The following SCAP variants were observed in gnomAD, a reference collection of about 807,000 sequenced individuals.
SCAP encodes sterol regulatory element-binding protein cleavage-activating protein.
SCAP carries 65 observed loss-of-function variants against 123.6 expected under a neutral mutation model. That is an observed-to-expected ratio of 0.53 (90% CI 0.43 to 0.65). The LOEUF (loss-of-function observed/expected upper bound fraction) is 0.65. SCAP is among the 30% of genes least tolerant of loss of function. The pLI, the probability that SCAP is intolerant of heterozygous loss-of-function variation, is 0.00. For missense variants in SCAP, 1,398 were observed against 1,712.5 expected (o/e 0.82, Z 3.24); for synonymous variants, 740 against 726.3 (o/e 1.02, Z -0.30).
intron 3 of SCAP, among the ~76,000 whole-genome samples, chr3:47,430,780 A>G (rs969955466): frequency 1.4e-4 from 21 of 152,168 alleles, no homozygotes; most frequent in African/African-American, 5.1e-4. Flanking sequence ...GTGTGGACTG[A>G]AGGGGGCAGG....
At chr3:47,417,279 G>A (rs538272629) in intron 17 of SCAP, 25 bp downstream of exon 17, 11 of 1,612,082 alleles carry the variant, frequency 6.8e-6, no homozygotes, top group South Asian at 1.1e-5. Flanking sequence ...CAGCCGCTCT[G>A]CCCACCTTTA....
At chr3:47,416,921 C>T (rs759008659) in intron 18 of SCAP, among the ~76,000 whole-genome samples, 3 of 151,940 alleles carry the variant, frequency 2.0e-5, no homozygotes, top group South Asian at 2.1e-4. Context: ...CCACCGCGCC[C>T]GGCCACCCCT....
At chr3:47,427,398 G>A in intron 5 of SCAP, 49 bp downstream of exon 5, 3 of 1,589,530 alleles carry the variant, frequency 1.9e-6, no homozygotes, top group Non-Finnish European at 2.6e-6. Flanking sequence ...AAAAGACGGT[G>A]ACCAATGGGC....
chr3:47,443,306 TC>T (rs1559557138), intron 1 of SCAP: 2,506 of 95,640 alleles, frequency 0.026, 81 homozygotes, highest in Admixed American at 0.06. Flanking sequence ...TCTCTCTCTC[TC>T]TCTCCCTCCC....
intron 2 of SCAP, among the ~76,000 whole-genome samples, chr3:47,437,817 C>G (rs1706645552): frequency 6.6e-6 from 1 of 152,002 alleles, no homozygotes; most frequent in African/African-American, 2.4e-5. Context: ...AAACTATTAT[C>G]CTTTATTGGT....
chr3:47,469,533 A>C (rs1378899322), intron 1 of SCAP, among the ~76,000 whole-genome samples: 1 of 152,048 alleles, frequency 6.6e-6, no homozygotes, highest in Admixed American at 6.6e-5. Flanking sequence ...TAATTTTTGT[A>C]TTTTTAGTAC....
rs924101424 is a variant in SCAP at position 47,439,071 on chromosome 3, T to C, written c.122+3801A>G. ...TACATCTTGACTTACGATGGGGTTATGTCCTGATAACGCTGTCGTAAATTG... is the reference window on the plus strand; with the variant it reads ...TACATCTTGACTTACGATGGGGTTACGTCCTGATAACGCTGTCGTAAATTG... On this transcript the variant is annotated intron_variant, in intron 2 of 22. Coordinates refer to ENST00000265565, the MANE Select transcript of SCAP (RefSeq NM_012235.4). The surrounding 1 kb of genome is among the most constrained non-coding windows in gnomAD (Gnocchi z 4.0). Among the ~76,000 whole-genome samples the C allele has an allele frequency of 1.3e-5, 2 of 152,164 alleles. No homozygotes were observed. Among genetic ancestry groups the C allele is most frequent in the African/African-American group, 2.4e-5 (1 of 41,432 alleles).
Position 47,417,358 on chromosome 3 carries a change from G to A in SCAP, c.2916C>T (p.Ser972=), listed in dbSNP as rs1284505077. ...CGATGAGGTTGCCCTGCAGCTCCAAGCTCCAGATGGAACCCTCGGCACTGG... is the reference window on the plus strand; with the variant it reads ...CGATGAGGTTGCCCTGCAGCTCCAAACTCCAGATGGAACCCTCGGCACTGG... The part of the protein sequence containing the change: ...WAPSAEGSIW[S]LELQGNLIVV... Residue 972 remains serine, a synonymous_variant, in exon 17 of 23, where the codon AGC becomes AGT. Coordinates refer to ENST00000265565, the MANE Select transcript of SCAP (RefSeq NM_012235.4). 2 of 1,610,460 alleles carry A rather than the reference G, an allele frequency of 1.2e-6. No individual in the cohort carries two copies. The highest frequency in any genetic ancestry group is 1.7e-6 in the Non-Finnish European group (2 of 1,179,108).
intron 1 of SCAP, among the ~76,000 whole-genome samples, chr3:47,444,787 CT>C (rs111695253): frequency 9.2e-4 from 122 of 132,940 alleles, no homozygotes; most frequent in Admixed American, 1.5e-3. Context: ...TACTTCATTA[CT>C]TTTTTTTTTT....
intron 21 of SCAP, 23 bp from the exon 22 acceptor site, chr3:47,414,409 T>G (rs1705465758): frequency 1.2e-6 from 2 of 1,611,202 alleles, no homozygotes; most frequent in African/African-American, 2.7e-5. Flanking sequence ...GCCAGGGGAG[T>G]GGGGTCACCA....
chr3:47,473,935 G>C (rs1708166281), intron 1 of SCAP, among the ~76,000 whole-genome samples: 1 of 152,190 alleles, frequency 6.6e-6, no homozygotes. Flanking sequence ...GAGATCTCTA[G>C]AGAGGGGGCG....
intron 3 of SCAP, among the ~76,000 whole-genome samples, chr3:47,433,203 A>C (rs1313436484): frequency 1.3e-5 from 2 of 152,216 alleles, no homozygotes; most frequent in African/African-American, 4.8e-5. Flanking sequence ...TTCATAACTA[A>C]AACAGTCCTT....
rs547405808 is a variant in SCAP, at chr3:47,457,689, C to G, written c.-98-14598G>C. ...TTGGGAGGCCGAGGTGGGTGGGTCACGAGGTCAGGAGATCGAGACCATCCT... is the reference window on the plus strand; with the variant it reads ...TTGGGAGGCCGAGGTGGGTGGGTCAGGAGGTCAGGAGATCGAGACCATCCT... On this transcript the variant is annotated intron_variant, in intron 1 of 22. Transcript: ENST00000265565. 6.3e-4 allele frequency among the ~76,000 whole-genome samples: 95 copies of G among 151,896 alleles called. 1 individual carries two copies. The highest frequency in any genetic ancestry group is 2.7e-3 in the Admixed American group (41 of 15,240).
Position 47,425,630 on chromosome 3 carries a change from G to GT in SCAP, c.911-20dup, listed in dbSNP as rs1559546528. On this transcript the variant is annotated intron_variant, in intron 7 of 22. Coordinates refer to ENST00000265565, the MANE Select transcript of SCAP (RefSeq NM_012235.4). ...ATCTTCCCTGGAGGGCAGAGAGGGC[G>GT]TATCAGGGCGGCCCCTCCCCCAGCC... The GT allele has an allele frequency of 9.3e-6, 15 of 1,612,956 alleles. No homozygotes were observed. The South Asian group carries it at 1.3e-4, about 14-fold the overall frequency.
intron 1 of SCAP, among the ~76,000 whole-genome samples, chr3:47,465,518 G>A (rs1707789994): frequency 6.6e-6 from 1 of 152,066 alleles, no homozygotes; most frequent in Admixed American, 6.6e-5. Flanking sequence ...TGTAAACCCA[G>A]CACTTTGGGA....
intron 1 of SCAP, among the ~76,000 whole-genome samples, chr3:47,458,217 G>A (rs899520716): frequency 6.6e-6 from 1 of 152,136 alleles, no homozygotes; most frequent in Non-Finnish European, 1.5e-5. Context: ...TGGATCACGA[G>A]GTCAGGAGTT....
chr3:47,414,185 G>A lies in SCAP; in HGVS notation c.3589C>T (p.Gln1197Ter). Residue 1197 changes from glutamine to a stop codon, truncating the protein, a stop_gained, in exon 22 of 23, where the codon CAG becomes TAG. Coordinates refer to ENST00000265565, the MANE Select transcript of SCAP (RefSeq NM_012235.4). LOFTEE classifies it high-confidence loss of function. ...RSTGIKFYSI[Q>*]QDLGCGASLG... ...ATGATCCCCATCCCCTCTACCTGCTGAATGGAGTAGAACTTGATGCCTGTG... is the reference window on the plus strand; with the variant it reads ...ATGATCCCCATCCCCTCTACCTGCTAAATGGAGTAGAACTTGATGCCTGTG... 7 of 1,613,736 alleles carry A rather than the reference G, an allele frequency of 4.3e-6. No homozygotes were observed. Among genetic ancestry groups the A allele is most frequent in the South Asian group, 1.1e-5 (1 of 91,084 alleles).
At chr3:47,473,848 T>C (rs1456016859) in intron 1 of SCAP, among the ~76,000 whole-genome samples, 6 of 152,158 alleles carry the variant, frequency 3.9e-5, no homozygotes, top group Admixed American at 3.9e-4. Context: ...AAACTTGTAG[T>C]AAACTTTTTA....
chr3:47,476,047 G>C (rs1037030843), upstream of SCAP: 14 of 152,092 alleles, frequency 9.2e-5, no homozygotes, highest in East Asian at 1.9e-3. Flanking sequence ...CGCGTCTCCC[G>C]TTCGCCCTCT....
Sources: gnomAD v4.1 joint callset for allele counts (sites outside exome capture counted in the v4.1 genomes callset) on GRCh38, gnomAD v4.1.1 for gene constraint, Gnocchi (gnomAD v3.1) non-coding constraint, MANE v1.5 for transcripts, NCBI Gene and HGNC (gene_info 2026-07-23, HGNC 2026-07-21) for gene names.